The following POC1B variants were observed in gnomAD, a reference collection of about 807,000 sequenced individuals.
POC1B encodes POC1 centriolar protein B, also known as POC1 centriolar protein homolog B.
Under a neutral mutation model 60.6 loss-of-function variants are expected in POC1B, and 44 were observed. That is an observed-to-expected ratio of 0.73 (90% CI 0.57 to 0.93). The LOEUF is 0.93. Among genes scored for constraint, POC1B ranks in the 40% least tolerant of loss-of-function variants. The pLI, the probability that POC1B is intolerant of heterozygous loss-of-function variation, is 0.00. For missense variants in POC1B, 555 were observed against 572.3 expected (o/e 0.97, Z 0.31); for synonymous variants, 180 against 198.9 (o/e 0.90, Z 0.80).
At position 89,492,115 on chromosome 12, in the gene POC1B, C is replaced by T. The variant is rs755836165; in HGVS notation, c.273G>A (p.Lys91=). The T allele has an allele frequency of 6.5e-7, 1 of 1,539,524 alleles. No individual in the cohort carries two copies. The highest frequency in any genetic ancestry group is 1.4e-5 in the African/African-American group (1 of 71,998). The change falls in exon 4 of 12, where the codon AAG becomes AAA. Residue 91 remains lysine (K), a splice_region_variant and synonymous_variant. Coordinates refer to ENST00000313546, the MANE Select transcript of POC1B (RefSeq NM_172240.3). The part of the protein sequence containing the change: ...DRTVRLWIPD[K]RGKFSEFKAH... ...CTTTAAATTCTGAGAATTTTCCTCT[C>T]CTGGAAATAAACAGTTTAATATTTA...
intron 6 of POC1B, among the ~76,000 whole-genome samples, chr12:89,471,346 C>T (rs1239626137): frequency 6.6e-6 from 1 of 152,182 alleles, no homozygotes; most frequent in Non-Finnish European, 1.5e-5. Flanking sequence ...TCACACAATG[C>T]TGATAACCAG....
chr12:89,430,516 T>C (rs1048371029), intron 10 of POC1B, among the ~76,000 whole-genome samples: 15 of 152,176 alleles, frequency 9.9e-5, no homozygotes, highest in Non-Finnish European at 8.8e-5. Context: ...TTCAAGATAC[T>C]GTGGTGCTCA....
rs1355489875 is a variant in POC1B, at chr12:89,421,238, T to G, written c.1352A>C (p.Gln451Pro). The change falls in exon 12 of 12, where the codon CAG (glutamine) becomes CCG (proline). Residue 451 changes from glutamine (Q) to proline (P), a missense_variant. Coordinates refer to ENST00000313546, the MANE Select transcript of POC1B (RefSeq NM_172240.3). ...CTTATCCTCTGTCAAAGTCAGTCGC[T>G]GCTCCAAGATTGAAACAGTCTGCAA... is the stretch of plus-strand genomic sequence containing the variant. ...VLTQTVSILE[Q>P]RLTLTEDKLK... 6.3e-7 allele frequency: 1 copy of G among 1,597,570 alleles called. No individual in the cohort carries two copies. Among genetic ancestry groups the G allele is most frequent in the South Asian group, 1.1e-5 (1 of 89,516 alleles).
intron 2 of POC1B, among the ~76,000 whole-genome samples, chr12:89,517,160 T>C (rs556388320): frequency 1.2e-4 from 18 of 152,308 alleles, no homozygotes; most frequent in African/African-American, 4.3e-4. Context: ...CTGGCATTCT[T>C]ATACTTTCTT....
intron 10 of POC1B, among the ~76,000 whole-genome samples, chr12:89,438,871 G>C (rs1264436045): frequency 1.3e-5 from 2 of 152,210 alleles, no homozygotes; most frequent in Admixed American, 1.3e-4. Context: ...CTGCATGTCT[G>C]ATAGGTACTC....
At chr12:89,515,202 G>A (rs1870388109) in intron 2 of POC1B, among the ~76,000 whole-genome samples, 1 of 152,160 alleles carries the variant, frequency 6.6e-6, no homozygotes, top group East Asian at 1.9e-4. Flanking sequence ...TGGCAAAAAG[G>A]GGGAGTCCTA....
intron 10 of POC1B, chr12:89,426,809 C>A (rs1880783909): frequency 1.3e-5 from 2 of 150,238 alleles, no homozygotes; most frequent in Admixed American, 6.6e-5. Flanking sequence ...GGGTGACAGA[C>A]CAAGGCCATG....
At chr12:89,441,038 G>A (rs143960232) in intron 10 of POC1B, among the ~76,000 whole-genome samples, 3,794 of 152,304 alleles carry the variant, frequency 0.025, 74 homozygotes, top group Non-Finnish European at 0.036. Context: ...GTCTGAGATC[G>A]AACTGCAAGG....
chr12:89,448,695 T>G (rs1044804307), intron 10 of POC1B, among the ~76,000 whole-genome samples: 1 of 152,228 alleles, frequency 6.6e-6, no homozygotes, highest in Non-Finnish European at 1.5e-5. Context: ...CAATTAGGCT[T>G]GAACAACCTA....
intron 9 of POC1B, among the ~76,000 whole-genome samples, chr12:89,465,037 G>A (rs1882634062): frequency 6.6e-6 from 1 of 152,092 alleles, no homozygotes; most frequent in South Asian, 2.1e-4. Flanking sequence ...GCATTTTGTA[G>A]AGTGCAATTG....
At chr12:89,500,190 A>G in intron 2 of POC1B, 1 of 1,598,852 alleles carries the variant, frequency 6.3e-7, no homozygotes, top group Non-Finnish European at 8.5e-7. Flanking sequence ...CAAGGCCAGA[A>G]TGTTCTGGAA....
chr12:89,444,509 C>A (rs768719914), intron 10 of POC1B, among the ~76,000 whole-genome samples: 1 of 152,054 alleles, frequency 6.6e-6, no homozygotes, highest in Non-Finnish European at 1.5e-5. Context: ...AAAAACCACA[C>A]AATTATCTCA....
At chr12:89,436,179 T>C (rs1019824178) in intron 10 of POC1B, among the ~76,000 whole-genome samples, 3 of 151,946 alleles carry the variant, frequency 2.0e-5, no homozygotes, top group African/African-American at 7.3e-5. Flanking sequence ...TCTTGATCTC[T>C]TGACCTTGTG....
chr12:89,463,701 C>T (rs926358148), intron 9 of POC1B, among the ~76,000 whole-genome samples: 2 of 152,140 alleles, frequency 1.3e-5, no homozygotes, highest in African/African-American at 4.8e-5. Context: ...TAGGAAGAAC[C>T]CGGGAGGGGG....
intron 10 of POC1B, among the ~76,000 whole-genome samples, chr12:89,430,568 T>A (rs1880987944): frequency 6.6e-6 from 1 of 152,148 alleles, no homozygotes; most frequent in Non-Finnish European, 1.5e-5. Flanking sequence ...CTCCCCTTCC[T>A]CCTTTCCTCT....
chr12:89,428,213 C>G (rs1451893104), intron 10 of POC1B: 1 of 152,308 alleles, frequency 6.6e-6, no homozygotes, highest in Non-Finnish European at 1.5e-5. Context: ...AACCAACAAA[C>G]AAACAAAAAA....
At chr12:89,521,962 G>A (rs1469248141) in intron 2 of POC1B, 4 of 398,772 alleles carry the variant, frequency 1.0e-5, no homozygotes, top group African/African-American at 8.2e-5. Flanking sequence ...TACTTTAAAT[G>A]ATTAAGCATT....
the POC1B span, among the ~76,000 whole-genome samples, chr12:89,403,139 C>G: frequency 6.6e-6 from 1 of 151,976 alleles, no homozygotes; most frequent in African/African-American, 2.4e-5. Context: ...TCCCAAGTAG[C>G]TGGCATTACA....
chr12:89,511,033 C>T (rs1474410590), intron 2 of POC1B, among the ~76,000 whole-genome samples: 1 of 151,948 alleles, frequency 6.6e-6, no homozygotes, highest in Non-Finnish European at 1.5e-5. Flanking sequence ...GGGATACAGG[C>T]GTGAGCCACC....
Sources: gnomAD v4.1 joint callset for allele counts (sites outside exome capture counted in the v4.1 genomes callset) on GRCh38, gnomAD v4.1.1 for gene constraint, MANE v1.5 for transcripts, NCBI Gene and HGNC (gene_info 2026-07-23, HGNC 2026-07-21) for gene names.